The following CWF19L2 variants were observed in gnomAD, a reference collection of about 807,000 sequenced individuals.
CWF19L2 encodes CWF19 like cell cycle control factor 2, also known as CWF19-like protein 2.
Under a neutral mutation model 111.7 loss-of-function variants are expected in CWF19L2, and 98 were observed. The observed-to-expected ratio is 0.88, with a 90% CI of 0.75 to 1.04. CWF19L2 has a LOEUF of 1.04. Ranked by LOEUF, CWF19L2 falls within the 50% of genes least tolerant of loss-of-function variation. The pLI is 0.00. For synonymous variants in CWF19L2, 351 were observed against 342.9 expected, an observed-to-expected ratio of 1.02 and a Z score of -0.26; for missense variants, 1,101 against 1,051.4, an observed-to-expected ratio of 1.05 and a Z score of -0.65.
chr11:107,328,200 G>A (rs1320549439), intron 17 of CWF19L2, among the ~76,000 whole-genome samples: 6 of 151,456 alleles, frequency 4.0e-5, no homozygotes, highest in Non-Finnish European at 7.4e-5. Flanking sequence ...TCATGGAAAA[G>A]GGAATCTCCT....
At chr11:107,457,036 A>G (rs1346375770) in intron 1 of CWF19L2, among the ~76,000 whole-genome samples, 1 of 152,208 alleles carries the variant, frequency 6.6e-6, no homozygotes, top group African/African-American at 2.4e-5. Context: ...TTGCTCTCCA[A>G]CTGCAACTTT....
At chr11:107,407,641 C>T (rs1351986948) in intron 10 of CWF19L2, among the ~76,000 whole-genome samples, 1 of 65,480 alleles carries the variant, frequency 1.5e-5, no homozygotes, top group Non-Finnish European at 4.0e-5. Context: ...GAGGCTGCTG[C>T]TGGGTCCCTC....
At chr11:107,335,323 AC>A (rs1198148729) in intron 15 of CWF19L2, among the ~76,000 whole-genome samples, 1 of 152,198 alleles carries the variant, frequency 6.6e-6, no homozygotes, top group East Asian at 1.9e-4. Flanking sequence ...ATTTAGTTTT[AC>A]TGCTCTTCTT....
chr11:107,423,187 T>C (rs917206279), intron 8 of CWF19L2, among the ~76,000 whole-genome samples: 15 of 152,138 alleles, frequency 9.9e-5, no homozygotes, highest in African/African-American at 3.6e-4. Context: ...GTACATGTCA[T>C]TTTCATTGTA....
At chr11:107,352,143 T>A (rs1177409280) in intron 13 of CWF19L2, among the ~76,000 whole-genome samples, 2 of 152,194 alleles carry the variant, frequency 1.3e-5, no homozygotes, top group African/African-American at 2.4e-5. Context: ...TCAGTGTCTT[T>A]GCTTGTATTG....
At chr11:107,450,809 A>C (rs1861767712) in intron 3 of CWF19L2, among the ~76,000 whole-genome samples, 1 of 152,216 alleles carries the variant, frequency 6.6e-6, no homozygotes. Context: ...CAGTCAGTTC[A>C]TCAAGGAGCT....
At chr11:107,403,369 CTATT>C in intron 10 of CWF19L2, 1 of 598,392 alleles carries the variant, frequency 1.7e-6, no homozygotes, top group Middle Eastern at 2.9e-4. Context: ...ATTTAAAAAA[CTATT>C]TAGAACACAT....
At chr11:107,427,225 C>CT (rs1477164003) in intron 8 of CWF19L2, among the ~76,000 whole-genome samples, 12 of 50,034 alleles carry the variant, frequency 2.4e-4, no homozygotes, top group South Asian at 6.5e-4. Context: ...TCTCAGGAAT[C>CT]TTTTTTTTTG....
intron 8 of CWF19L2, among the ~76,000 whole-genome samples, chr11:107,425,917 A>C (rs141811036): frequency 3.4e-4 from 52 of 152,110 alleles, no homozygotes; most frequent in African/African-American, 1.2e-3. Context: ...GGAAATACTT[A>C]GCCAATATAT....
chr11:107,372,690 G>A (rs1860529615), intron 12 of CWF19L2, among the ~76,000 whole-genome samples: 1 of 135,942 alleles, frequency 7.4e-6, no homozygotes, highest in Admixed American at 7.2e-5. Flanking sequence ...AGTGAAAGAG[G>A]ATAAGAAGGA....
At chr11:107,327,379 G>A (rs564037631) in intron 17 of CWF19L2, among the ~76,000 whole-genome samples, 12 of 152,056 alleles carry the variant, frequency 7.9e-5, no homozygotes, top group Admixed American at 4.6e-4. Flanking sequence ...AGAGGCTCCC[G>A]TAAACAATTT....
chr11:107,430,126 AAGGACTCATCCAATAGCCTTGGGTGG>A (rs1861444608), intron 7 of CWF19L2, among the ~76,000 whole-genome samples: 1 of 151,870 alleles, frequency 6.6e-6, no homozygotes, highest in Non-Finnish European at 1.5e-5. Context: ...GATTTCTCAG[AAGGACTCATCCAATAGCCTTGGGTGG>A]GGGAGAAAGA....
chr11:107,344,212 C>CA (rs1860045804), intron 14 of CWF19L2, among the ~76,000 whole-genome samples: 1 of 152,036 alleles, frequency 6.6e-6, no homozygotes, highest in South Asian at 2.1e-4. Context: ...GACTCAATCT[C>CA]AAAAAAAGTT....
chr11:107,447,587 T>C (rs1195394922), intron 3 of CWF19L2, among the ~76,000 whole-genome samples: 1 of 152,220 alleles, frequency 6.6e-6, no homozygotes, highest in South Asian at 2.1e-4. Context: ...AAACCAGTCC[T>C]AGAGTAAAGC....
At chr11:107,424,183 CTT>C (rs11291377) in intron 8 of CWF19L2, among the ~76,000 whole-genome samples, 38 of 145,888 alleles carry the variant, frequency 2.6e-4, no homozygotes, top group African/African-American at 7.7e-4. Flanking sequence ...ACATTTCCCT[CTT>C]TTTTTTTTTT....
At chr11:107,331,509 C>T (rs948039003) in intron 16 of CWF19L2, among the ~76,000 whole-genome samples, 1 of 152,102 alleles carries the variant, frequency 6.6e-6, no homozygotes, top group South Asian at 2.1e-4. Flanking sequence ...AAGGAAGGGG[C>T]CATAAGCCAT....
intron 10 of CWF19L2, among the ~76,000 whole-genome samples, chr11:107,408,091 G>A (rs9804545): frequency 6.6e-6 from 1 of 151,728 alleles, no homozygotes; most frequent in East Asian, 1.9e-4. Flanking sequence ...TATAGCCTCA[G>A]AACATTCTCT....
chr11:107,359,924 T>C (rs1480535480), intron 12 of CWF19L2, among the ~76,000 whole-genome samples: 1 of 152,222 alleles, frequency 6.6e-6, no homozygotes, highest in Non-Finnish European at 1.5e-5. Flanking sequence ...GCAAATTGGA[T>C]TGGACTACAC....
At chr11:107,364,505 C>A (rs1352050247) in intron 12 of CWF19L2, among the ~76,000 whole-genome samples, 1 of 146,572 alleles carries the variant, frequency 6.8e-6, no homozygotes, top group African/African-American at 2.6e-5. Flanking sequence ...AACTAGAACT[C>A]AGGATTAAGA....
Sources: gnomAD v4.1 joint callset for allele counts (sites outside exome capture counted in the v4.1 genomes callset) on GRCh38, gnomAD v4.1.1 for gene constraint, MANE v1.5 for transcripts, NCBI Gene and HGNC (gene_info 2026-07-23, HGNC 2026-07-21) for gene names.